Variants in NTNG1 observed in about 807,000 individuals in gnomAD.
The protein encoded by NTNG1 is netrin G1.
In NTNG1, 16 loss-of-function variants were observed where a neutral mutation model predicts 54.0. The ratio of observed to expected loss-of-function variants is 0.30; its 90% CI spans 0.20 to 0.45. The LOEUF is 0.45. Among genes scored for constraint, NTNG1 ranks in the 20% least tolerant of loss-of-function variants. The pLI, the probability that NTNG1 is intolerant of heterozygous loss-of-function variation, is 1.00. For synonymous variants in NTNG1, 255 were observed against 263.1 expected, an observed-to-expected ratio of 0.97 and a Z score of 0.30; for missense variants, 530 against 678.7, an observed-to-expected ratio of 0.78 and a Z score of 2.43.
chr1:107,428,831 A>G (rs191798774), intron 5 of NTNG1, among the ~76,000 whole-genome samples: 7 of 152,224 alleles, frequency 4.6e-5, no homozygotes, highest in Admixed American at 4.6e-4. Flanking sequence ...GGTACAGAGG[A>G]TTGGTGGGAA....
chr1:107,435,177 T>TA (rs1010177687), intron 6 of NTNG1, among the ~76,000 whole-genome samples: 113 of 147,598 alleles, frequency 7.7e-4, no homozygotes, highest in African/African-American at 2.0e-3. Context: ...CTTTAAACAG[T>TA]AAAAAAAAAA....
chr1:107,307,415 C>G (rs12049511), intron 2 of NTNG1, among the ~76,000 whole-genome samples: 1 of 152,016 alleles, frequency 6.6e-6, no homozygotes, highest in Non-Finnish European at 1.5e-5. Flanking sequence ...TAATTTCTGA[C>G]TTGTATTGAG....
chr1:107,266,045 G>A (rs987626761), intron 2 of NTNG1, among the ~76,000 whole-genome samples: 1 of 152,050 alleles, frequency 6.6e-6, no homozygotes, highest in Non-Finnish European at 1.5e-5. Context: ...CTAATTGCAC[G>A]CTAGTCACAT....
chr1:107,358,989 G>A (rs1191242815), intron 3 of NTNG1, among the ~76,000 whole-genome samples: 1 of 152,176 alleles, frequency 6.6e-6, no homozygotes. Flanking sequence ...AAAATATAAA[G>A]TTCTATTGAA....
Position 107,148,389 on chromosome 1 carries a change from A to C in NTNG1, c.-205A>C. 1 of 549,478 alleles carries C rather than the reference A, an allele frequency of 1.8e-6. No homozygotes were observed. Among genetic ancestry groups the C allele is most frequent in the Non-Finnish European group, 3.2e-6 (1 of 309,300 alleles). The allele number at this position is 549,478 out of a possible 1,614,324, so 34.0% of individuals were successfully genotyped here. On this transcript the variant is annotated 5_prime_UTR_variant, in exon 2 of 8. Coordinates refer to ENST00000370068, the MANE Select transcript of NTNG1 (RefSeq NM_001113226.3). Reference sequence around the variant, plus strand: ...AGGCTTCCACCAAAGTCCTCAATATACCTGAATACGCACAATATCTTAACT... The same window carrying C: ...AGGCTTCCACCAAAGTCCTCAATATCCCTGAATACGCACAATATCTTAACT...
intron 3 of NTNG1, among the ~76,000 whole-genome samples, chr1:107,375,674 A>G (rs1001095271): frequency 1.1e-4 from 16 of 152,224 alleles, no homozygotes; most frequent in African/African-American, 3.6e-4. Flanking sequence ...AGGGATTACA[A>G]CCCACAATGA....
chr1:107,168,110 G>A (rs1392996722), intron 2 of NTNG1, among the ~76,000 whole-genome samples: 2 of 151,954 alleles, frequency 1.3e-5, no homozygotes, highest in African/African-American at 4.8e-5. Flanking sequence ...TATTCATGAA[G>A]TCTAGCCTGA....
In NTNG1 at chr1:107,311,186, G is replaced by A. The variant is rs573430900; in HGVS notation, c.247-13096G>A. Among the ~76,000 whole-genome samples, 46 of 152,202 alleles carry A rather than the reference G, an allele frequency of 3.0e-4. No individual in the cohort carries two copies. The South Asian group carries it at 4.8e-3, about 16-fold the overall frequency. ...GCATGACCATTGTAAATTTACAACC[G>A]TGCCATTCAGTGCTTTTTCCATCAG... On this transcript the variant is annotated intron_variant, in intron 2 of 7. Transcript: ENST00000370068.
chr1:107,424,084 A>G (rs1192703889), intron 5 of NTNG1, among the ~76,000 whole-genome samples: 3 of 152,150 alleles, frequency 2.0e-5, no homozygotes, highest in Non-Finnish European at 4.4e-5. Flanking sequence ...TTTTGCATAT[A>G]CTTTTTGAAT....
chr1:107,219,770 G>A (rs1660218675), intron 2 of NTNG1, among the ~76,000 whole-genome samples: 1 of 152,170 alleles, frequency 6.6e-6, no homozygotes, highest in Non-Finnish European at 1.5e-5. Context: ...CTCAGCCATG[G>A]ATACCAGCAC....
At chr1:107,433,298 C>T (rs1675389305) in intron 6 of NTNG1, among the ~76,000 whole-genome samples, 1 of 152,126 alleles carries the variant, frequency 6.6e-6, no homozygotes, top group African/African-American at 2.4e-5. Context: ...AATCCCAGCA[C>T]TTTAGAAGGC....
chr1:107,436,605 T>C lies in NTNG1; in HGVS notation c.1256-60T>C, dbSNP rs146531807. The C allele has an allele frequency of 3.2e-4, 485 of 1,522,156 alleles. 4 individuals carry two copies. In the African/African-American group the frequency reaches 5.5e-3, roughly 17 times the overall value. 94.3% of individuals were successfully genotyped at this position (1,522,156 alleles called of 1,614,324 possible). A position where few individuals can be genotyped will look rare whatever the true frequency, so the allele number is the denominator to read the frequency against. ...CATTTAAGTACGTGACGCTCCTGTG[T>C]TGATAACCTGTAAGCCATGCAGACT... is the stretch of plus-strand genomic sequence containing the variant. On this transcript the variant is annotated intron_variant, in intron 6 of 7. Coordinates refer to ENST00000370068, the MANE Select transcript of NTNG1 (RefSeq NM_001113226.3).
intron 2 of NTNG1, among the ~76,000 whole-genome samples, chr1:107,245,336 T>C (rs984734838): frequency 6.6e-6 from 1 of 152,210 alleles, no homozygotes; most frequent in Non-Finnish European, 1.5e-5. Flanking sequence ...ACCACTGCAG[T>C]TTACGTAAGT....
At chr1:107,331,023 C>A (rs1668241162) in intron 3 of NTNG1, 1 of 151,946 alleles carries the variant, frequency 6.6e-6, no homozygotes, top group South Asian at 2.1e-4. Context: ...TTGTCAGGTA[C>A]CTTATTTCCT....
At position 107,243,574 on chromosome 1, in the gene NTNG1, T is replaced by G. The variant is rs193098488; in HGVS notation, c.247-80708T>G. ...TTTTTTGTTTTTGTGTTTCGTTTTT[T>G]GAGATGGGCTTTCACTGTATTGCCC... On this transcript the variant is annotated intron_variant, in intron 2 of 7. Transcript: ENST00000370068. Among the ~76,000 whole-genome samples the G allele has an allele frequency of 3.1e-3, 474 of 152,340 alleles. 3 individuals carry two copies. Among genetic ancestry groups the G allele is most frequent in the African/African-American group, 0.011 (445 of 41,580 alleles).
intron 6 of NTNG1, among the ~76,000 whole-genome samples, 196 bp downstream of exon 6, chr1:107,431,113 A>C (rs1347541796): frequency 6.6e-6 from 1 of 152,078 alleles, no homozygotes; most frequent in Non-Finnish European, 1.5e-5. Context: ...TATACTTTGA[A>C]CCCTTATGTT....
At chr1:107,312,069 A>C (rs60286486) in intron 2 of NTNG1, among the ~76,000 whole-genome samples, 9,932 of 152,302 alleles carry the variant, frequency 0.065, 484 homozygotes, top group African/African-American at 0.13. Flanking sequence ...TAGAAAGATC[A>C]CTTTAGCAGC....
chr1:107,433,893 T>C (rs1049967697), intron 6 of NTNG1, among the ~76,000 whole-genome samples: 1 of 152,198 alleles, frequency 6.6e-6, no homozygotes, highest in African/African-American at 2.4e-5. Context: ...TGAGACAGCA[T>C]GAACCTATTT....
At chr1:107,310,251 A>C (rs1666925943) in intron 2 of NTNG1, among the ~76,000 whole-genome samples, 1 of 152,170 alleles carries the variant, frequency 6.6e-6, no homozygotes, top group South Asian at 2.1e-4. Flanking sequence ...TCACATTAGA[A>C]TATTACTAAC....
Sources: allele counts gnomAD v4.1 joint callset (sites outside exome capture counted in the v4.1 genomes callset), GRCh38; gene constraint gnomAD v4.1.1; transcripts MANE v1.5; gene names NCBI Gene and HGNC (gene_info 2026-07-23, HGNC 2026-07-21).